The following TNKS variants were observed in gnomAD, a reference collection of about 807,000 sequenced individuals.
TNKS encodes poly [ADP-ribose] polymerase tankyrase-1.
A neutral mutation model predicts 135.8 loss-of-function variants in TNKS; 72 were observed. That is an observed-to-expected ratio of 0.53 (90% CI 0.44 to 0.64). The LOEUF (loss-of-function observed/expected upper bound fraction) is 0.64. TNKS is among the 30% of genes least tolerant of loss of function. The pLI is 0.00. For synonymous variants in TNKS, 849 were observed against 649.3 expected (o/e 1.31, Z -4.68); for missense variants, 1,769 against 1,674.0 (o/e 1.06, Z -0.99).
At chr8:9,619,452 G>A (rs996371517) in intron 3 of TNKS, among the ~76,000 whole-genome samples, 2 of 152,170 alleles carry the variant, frequency 1.3e-5, no homozygotes, top group Non-Finnish European at 2.9e-5. Flanking sequence ...AATGTTTGTC[G>A]TTGTCAGGAC....
At chr8:9,758,359 T>A (rs894042560) in intron 20 of TNKS, among the ~76,000 whole-genome samples, 10 of 149,874 alleles carry the variant, frequency 6.7e-5, no homozygotes, top group African/African-American at 2.5e-4. Context: ...TAGCTTTTCA[T>A]CTCTTCTATC....
At chr8:9,644,369 T>C (rs1280120746) in intron 3 of TNKS, among the ~76,000 whole-genome samples, 2 of 152,192 alleles carry the variant, frequency 1.3e-5, no homozygotes, top group Non-Finnish European at 2.9e-5. Flanking sequence ...AAAGTGGCAA[T>C]TGGCTCTTTC....
At chr8:9,620,242 C>T (rs936131850) in intron 3 of TNKS, among the ~76,000 whole-genome samples, 14 of 152,142 alleles carry the variant, frequency 9.2e-5, no homozygotes, top group African/African-American at 2.4e-4. Context: ...CCACCGTGCC[C>T]GGCCGGGACT....
Position 9,733,372 on chromosome 8 carries a change from C to T in TNKS, c.2241C>T (p.Asp747=). 2 of 1,613,114 alleles carry T rather than the reference C, an allele frequency of 1.2e-6. No individual in the cohort carries two copies. Among genetic ancestry groups the T allele is most frequent in the Non-Finnish European group, 1.7e-6 (2 of 1,179,604 alleles). Residue 747 remains aspartate (D), a synonymous_variant, in exon 15 of 27, where the codon GAC becomes GAT. Coordinates refer to ENST00000310430, the MANE Select transcript of TNKS (RefSeq NM_003747.3). ...ATGGGGCTTCTGTCAATGTGGCGGA[C>T]TTATGGAAATTTACCCCTCTCCATG... ...VRHGASVNVA[D]LWKFTPLHEA...
At chr8:9,579,038 T>C (rs1249281849) in intron 1 of TNKS, among the ~76,000 whole-genome samples, 1 of 152,196 alleles carries the variant, frequency 6.6e-6, no homozygotes, top group Admixed American at 6.5e-5. Flanking sequence ...ACTTCCACGA[T>C]GTTGATGTTG....
intron 3 of TNKS, among the ~76,000 whole-genome samples, chr8:9,651,623 A>T (rs183797740): frequency 6.6e-6 from 1 of 152,306 alleles, no homozygotes; most frequent in Non-Finnish European, 1.5e-5. Flanking sequence ...AGTAGTTCAG[A>T]AATATCTGTT....
At chr8:9,691,801 T>A (rs960588356) in intron 5 of TNKS, among the ~76,000 whole-genome samples, 1 of 152,160 alleles carries the variant, frequency 6.6e-6, no homozygotes, top group Non-Finnish European at 1.5e-5. Context: ...GCTATGTCAT[T>A]TTATTTTATT....
intron 1 of TNKS, chr8:9,566,647 G>C (rs1057490297): frequency 3.6e-5 from 5 of 137,708 alleles, no homozygotes; most frequent in African/African-American, 1.4e-4. Context: ...TGTCGCCCAG[G>C]CCGGACTGCG....
chr8:9,603,091 C>T (rs1042019776), intron 2 of TNKS, among the ~76,000 whole-genome samples: 11 of 151,468 alleles, frequency 7.3e-5, no homozygotes, highest in African/African-American at 2.2e-4. Context: ...CTCGCTTTAT[C>T]GCCCAGGCTG....
Position 9,556,030 on chromosome 8 carries a change from C to T in TNKS, c.91C>T (p.Pro31Ser), listed in dbSNP as rs760268595. The T allele has an allele frequency of 2.5e-6, 4 of 1,612,278 alleles. No homozygotes were observed. The South Asian group carries it at 4.4e-5, about 18-fold the overall frequency. Residue 31 changes from proline to serine, a missense_variant, in exon 1 of 27, where the codon CCT becomes TCT. This residue lies in a region of TNKS where 450 missense variants were observed against 304.9 expected (regional missense o/e 1.48). Coordinates refer to ENST00000310430, the MANE Select transcript of TNKS (RefSeq NM_003747.3). ...APGASAPPPPPPPPLSPGLAP... is the reference protein window; with the variant it reads ...APGASAPPPPSPPPLSPGLAP... ...AGGGGCTTCAGCGCCGCCGCCGCCA[C>T]CTCCTCCCCCACTCAGCCCTGGCCT...
At chr8:9,637,139 A>G (rs1300955220) in intron 3 of TNKS, among the ~76,000 whole-genome samples, 2 of 152,212 alleles carry the variant, frequency 1.3e-5, no homozygotes, top group Non-Finnish European at 2.9e-5. Context: ...ATCGTTCTAG[A>G]TATGGGAATT....
intron 2 of TNKS, among the ~76,000 whole-genome samples, chr8:9,605,263 G>C (rs1010721813): frequency 1.3e-4 from 19 of 152,000 alleles, no homozygotes; most frequent in African/African-American, 4.6e-4. Context: ...ATATGTTCTT[G>C]TGTGTCTGGC....
intron 2 of TNKS, among the ~76,000 whole-genome samples, chr8:9,606,094 A>C (rs1022366889): frequency 6.1e-5 from 8 of 130,340 alleles, no homozygotes; most frequent in African/African-American, 2.4e-4. Flanking sequence ...CTTTTATGTC[A>C]AGTCTGTAGT....
At chr8:9,690,939 GT>G (rs1240712113) in intron 5 of TNKS, among the ~76,000 whole-genome samples, 1 of 152,130 alleles carries the variant, frequency 6.6e-6, no homozygotes, top group Non-Finnish European at 1.5e-5. Context: ...ATGGCAACTA[GT>G]TCAACCTCCC....
chr8:9,585,075 AT>A (rs1235239062), intron 2 of TNKS, among the ~76,000 whole-genome samples: 1 of 152,146 alleles, frequency 6.6e-6, no homozygotes, highest in Admixed American at 6.5e-5. Context: ...TAAAAAAAAA[AT>A]ATCTCCCAGA....
rs531625021 is a variant in TNKS at position 9,773,403 on chromosome 8, A to C, written c.3897+3141A>C. On this transcript the variant is annotated intron_variant, in intron 26 of 26. Transcript: ENST00000310430. ...TCACTGGGTGATAATGAGTGGTTTC[A>C]GTTCTCTTTACCATGTATTTTAAAT... is the stretch of plus-strand genomic sequence containing the variant. 1.5e-3 allele frequency among the ~76,000 whole-genome samples: 230 copies of C among 152,296 alleles called. 1 individual carries two copies. The highest frequency in any genetic ancestry group is 5.2e-3 in the African/African-American group (218 of 41,558).
chr8:9,563,723 C>T (rs1797422651), intron 1 of TNKS, among the ~76,000 whole-genome samples: 1 of 152,016 alleles, frequency 6.6e-6, no homozygotes, highest in South Asian at 2.1e-4. Context: ...GTATCATTCT[C>T]GTATTCTCTT....
chr8:9,603,785 C>G (rs1477877940), intron 2 of TNKS, among the ~76,000 whole-genome samples: 1 of 152,076 alleles, frequency 6.6e-6, no homozygotes, highest in Non-Finnish European at 1.5e-5. Context: ...AAATGTTTAT[C>G]TTATGTTCTC....
At chr8:9,748,655 C>G (rs1806365499) in intron 18 of TNKS, among the ~76,000 whole-genome samples, 1 of 152,204 alleles carries the variant, frequency 6.6e-6, no homozygotes, top group African/African-American at 2.4e-5. Flanking sequence ...CGTGAACTTT[C>G]TGAAAACCAG....
Sources: gnomAD v4.1 joint callset for allele counts (sites outside exome capture counted in the v4.1 genomes callset) on GRCh38, gnomAD v4.1.1 for gene constraint, gnomAD v4.1.1 regional missense constraint, MANE v1.5 for transcripts, NCBI Gene and HGNC (gene_info 2026-07-23, HGNC 2026-07-21) for gene names.